The following ZP3 variants were observed in gnomAD, a reference collection of about 807,000 sequenced individuals.
ZP3 encodes zona pellucida sperm-binding protein 3.
In ZP3, 21 loss-of-function variants were observed where a neutral mutation model predicts 35.6. The ratio of observed to expected loss-of-function variants is 0.59; its 90% CI spans 0.42 to 0.85. ZP3 has a LOEUF of 0.85. ZP3 is among the 40% of genes least tolerant of loss of function. The probability of loss-of-function intolerance (pLI) is 0.00; values close to 1 mark genes in which losing one functional copy is unlikely to be tolerated. For missense variants in ZP3, 437 were observed against 536.5 expected (o/e 0.81, Z 1.83); for synonymous variants, 207 against 214.5 (o/e 0.96, Z 0.31).
At chr7:76,405,919 T>A (rs1370726263) in intron 1 of ZP3, among the ~76,000 whole-genome samples, 2 of 151,870 alleles carry the variant, frequency 1.3e-5, no homozygotes, top group African/African-American at 2.4e-5. Context: ...TCCCTCCCTC[T>A]CTCCCTTTCT....
At chr7:76,426,752 G>T (rs1805667625) in intron 1 of ZP3, among the ~76,000 whole-genome samples, 1 of 151,820 alleles carries the variant, frequency 6.6e-6, no homozygotes, top group Non-Finnish European at 1.5e-5. Context: ...TATTGCCCAG[G>T]CTGGAGTGCA....
rs770102119 is a variant in ZP3, at chr7:76,434,101, T to C, written c.777T>C (p.Asp259=). The change falls in exon 5 of 8, where the codon GAT becomes GAC. Residue 259 remains aspartate, a synonymous_variant. Transcript: ENST00000394857. ...TCAAAGTTCCTCGACCCGGGCCAGA[T>C]ACACTCCAGTTCACAGTGGATGTCT... The part of the protein sequence containing the change: ...SAFKVPRPGP[D]TLQFTVDVFH... The C allele has an allele frequency of 3.6e-6, 5 of 1,407,152 alleles. 1 individual carries two copies. Among genetic ancestry groups the C allele is most frequent in the Non-Finnish European group, 4.9e-6 (5 of 1,019,394 alleles). The allele number at this position is 1,407,152 out of a possible 1,614,324, so 87.2% of individuals were successfully genotyped here.
intron 3 of ZP3, 144 bp downstream of exon 3, chr7:76,433,174 G>GGTTTTGGTTGGTTTT: frequency 1.3e-6 from 1 of 766,622 alleles, no homozygotes; most frequent in Admixed American, 2.6e-5. Flanking sequence ...GTTGGTTTTT[G>GGTTTTGGTTGGTTTT]AGACAGTCTT....
At chr7:76,423,032 A>AAAGAAAGAAAGAAAGG (rs1408036486), upstream of ZP3, among the ~76,000 whole-genome samples, 1 of 109,568 alleles carries the variant, frequency 9.1e-6, no homozygotes, top group Admixed American at 9.1e-5. Context: ...AGAGAGAAAG[A>AAAGAAAGAAAGAAAGG]AAGAAAGAAA....
intron 1 of ZP3, among the ~76,000 whole-genome samples, chr7:76,408,148 G>A (rs1805102022): frequency 6.6e-6 from 1 of 152,058 alleles, no homozygotes; most frequent in Admixed American, 6.6e-5. Context: ...GGGGGACATG[G>A]GTGCTTGTCC....
chr7:76,433,698 A>T, intron 4 of ZP3, 51 bp downstream of exon 4: 1 of 1,536,694 alleles, frequency 6.5e-7, no homozygotes, highest in Non-Finnish European at 8.8e-7. Flanking sequence ...AATGACCCTA[A>T]AGCCACCTGT....
intron 1 of ZP3, among the ~76,000 whole-genome samples, chr7:76,408,173 C>T (rs1805103039): frequency 6.6e-6 from 1 of 152,110 alleles, no homozygotes; most frequent in Non-Finnish European, 1.5e-5. Context: ...AGGAGCTCCC[C>T]ACCATCCCTC....
intron 3 of ZP3, among the ~76,000 whole-genome samples, 190 bp from the exon 4 acceptor site, chr7:76,433,280 G>A (rs932080103): frequency 2.0e-5 from 3 of 151,208 alleles, no homozygotes; most frequent in Non-Finnish European, 3.0e-5. Context: ...TCAGCCTCCC[G>A]AGTAACTGGG....
chr7:76,420,226 C>T (rs1316899174), upstream of ZP3, among the ~76,000 whole-genome samples: 1 of 151,684 alleles, frequency 6.6e-6, no homozygotes, highest in East Asian at 1.9e-4. Flanking sequence ...CTATGTTGCC[C>T]AGCTGTTCCC....
chr7:76,403,098 G>C (rs2115794410), intron 1 of ZP3, among the ~76,000 whole-genome samples: 1 of 152,280 alleles, frequency 6.6e-6, no homozygotes, highest in East Asian at 1.9e-4. Context: ...GCAAATCAAG[G>C]GTAGAGCTGA....
intron 4 of ZP3, 192 bp downstream of exon 4, chr7:76,433,839 C>T (rs1178288133): frequency 9.4e-7 from 1 of 1,062,750 alleles, no homozygotes; most frequent in African/African-American, 1.6e-5. Flanking sequence ...GCTGAGATTA[C>T]AGGTGCCCAT....
chr7:76,405,918 C>G (rs1805010296), intron 1 of ZP3, among the ~76,000 whole-genome samples: 1 of 151,946 alleles, frequency 6.6e-6, no homozygotes, highest in Non-Finnish European at 1.5e-5. Context: ...TTCCCTCCCT[C>G]TCTCCCTTTC....
intron 1 of ZP3, chr7:76,400,359 C>CAAAA: frequency 6.4e-7 from 1 of 1,565,766 alleles, no homozygotes; most frequent in Admixed American, 1.9e-5. Flanking sequence ...CGCACTCGCT[C>CAAAA]AGCGCAGCTT....
intron 7 of ZP3, among the ~76,000 whole-genome samples, chr7:76,441,587 C>G (rs1458611322): frequency 6.6e-6 from 1 of 151,884 alleles, no homozygotes; most frequent in Non-Finnish European, 1.5e-5. Context: ...CGGGTCTTGC[C>G]GTGTTGGCCA....
intron 1 of ZP3, among the ~76,000 whole-genome samples, chr7:76,403,144 G>C (rs2115794714): frequency 6.6e-6 from 1 of 152,302 alleles, no homozygotes; most frequent in African/African-American, 2.4e-5. Context: ...TCTTCATCAT[G>C]CAGTTCTGAG....
At chr7:76,405,287 A>G (rs1370657471) in intron 1 of ZP3, among the ~76,000 whole-genome samples, 1 of 36,870 alleles carries the variant, frequency 2.7e-5, no homozygotes, top group African/African-American at 1.5e-4. Flanking sequence ...ATATATATAT[A>G]TATATATATA....
chr7:76,427,730 G>A (rs1805709189), intron 1 of ZP3, among the ~76,000 whole-genome samples: 1 of 152,090 alleles, frequency 6.6e-6, no homozygotes, highest in Non-Finnish European at 1.5e-5. Context: ...GTTTGGTCAG[G>A]GCCAGGCAGC....
At chr7:76,405,564 C>T (rs1488519617) in intron 1 of ZP3, among the ~76,000 whole-genome samples, 1 of 151,092 alleles carries the variant, frequency 6.6e-6, no homozygotes, top group Non-Finnish European at 1.5e-5. Flanking sequence ...AGGAGGATCA[C>T]TTGCACCAAG....
intron 1 of ZP3, among the ~76,000 whole-genome samples, chr7:76,426,183 C>T (rs1805645308): frequency 6.6e-6 from 1 of 151,996 alleles, no homozygotes; most frequent in African/African-American, 2.4e-5. Context: ...TCCCTGGGGG[C>T]AGCTCCAAGG....
Sources: allele counts gnomAD v4.1 joint callset (sites outside exome capture counted in the v4.1 genomes callset), GRCh38; gene constraint gnomAD v4.1.1; transcripts MANE v1.5; gene names NCBI Gene and HGNC (gene_info 2026-07-23, HGNC 2026-07-21).